The following PTPRT variants were observed in gnomAD, a reference collection of about 807,000 sequenced individuals.
The protein encoded by PTPRT is protein tyrosine phosphatase receptor type T, also known as receptor-type tyrosine-protein phosphatase T.
Under a neutral mutation model 176.8 loss-of-function variants are expected in PTPRT, and 56 were observed. The ratio of observed to expected loss-of-function variants is 0.32; its 90% CI spans 0.26 to 0.40. The LOEUF is 0.40. PTPRT is among the 10% of genes least tolerant of loss of function. The probability of loss-of-function intolerance (pLI) is 1.00; values close to 1 mark genes in which losing one functional copy is unlikely to be tolerated. For missense variants in PTPRT, 1,540 were observed against 1,908.2 expected, an observed-to-expected ratio of 0.81 and a Z score of 3.60; for synonymous variants, 783 against 739.0, an observed-to-expected ratio of 1.06 and a Z score of -0.96.
At chr20:42,514,371 A>C (rs1041520709) in intron 7 of PTPRT, among the ~76,000 whole-genome samples, 2 of 152,210 alleles carry the variant, frequency 1.3e-5, no homozygotes, top group Non-Finnish European at 2.9e-5. Context: ...AGATTTTAAT[A>C]CAATTTCTCA....
chr20:42,990,653 G>T (rs1045573005), intron 1 of PTPRT, among the ~76,000 whole-genome samples: 15 of 152,064 alleles, frequency 9.9e-5, no homozygotes, highest in Admixed American at 6.6e-4. Flanking sequence ...AAGCAAAATG[G>T]TCACCTCAAT....
intron 25 of PTPRT, among the ~76,000 whole-genome samples, chr20:42,103,291 T>G (rs771311754): frequency 7.2e-5 from 11 of 151,864 alleles, no homozygotes; most frequent in Non-Finnish European, 8.8e-5. Flanking sequence ...AGCTATGTTC[T>G]AGGACAGTAC....
intron 12 of PTPRT, among the ~76,000 whole-genome samples, chr20:42,300,987 T>C (rs1462015151): frequency 2.6e-5 from 4 of 151,930 alleles, no homozygotes; most frequent in African/African-American, 7.2e-5. Context: ...AGGGATAGCA[T>C]TGGGAGATAT....
chr20:42,417,605 A>G (rs56021308), intron 9 of PTPRT, among the ~76,000 whole-genome samples: 1 of 150,386 alleles, frequency 6.6e-6, no homozygotes, highest in Admixed American at 6.7e-5. Context: ...ATAATGAAAT[A>G]AAAAAAAATG....
At chr20:42,881,253 C>T (rs2079006027) in intron 2 of PTPRT, among the ~76,000 whole-genome samples, 1 of 152,174 alleles carries the variant, frequency 6.6e-6, no homozygotes, top group Non-Finnish European at 1.5e-5. Flanking sequence ...AGTTGAGACC[C>T]TAGGGTCACT....
At chr20:42,263,129 G>A (rs962245777) in intron 13 of PTPRT, among the ~76,000 whole-genome samples, 1 of 152,210 alleles carries the variant, frequency 6.6e-6, no homozygotes, top group Non-Finnish European at 1.5e-5. Flanking sequence ...GCACTAGGTG[G>A]TAAATGGCCT....
chr20:43,165,821 G>GA (rs1338832044), intron 1 of PTPRT, among the ~76,000 whole-genome samples: 1 of 152,036 alleles, frequency 6.6e-6, no homozygotes, highest in Non-Finnish European at 1.5e-5. Flanking sequence ...CAACTTCCTT[G>GA]AAAAAAATGT....
intron 9 of PTPRT, among the ~76,000 whole-genome samples, chr20:42,369,031 C>T (rs574127771): frequency 4.0e-5 from 6 of 151,342 alleles, no homozygotes; most frequent in Non-Finnish European, 7.4e-5. Flanking sequence ...CTTCCTTCCT[C>T]CCTTCTTTCT....
At chr20:42,231,087 G>A (rs2056125009) in intron 15 of PTPRT, among the ~76,000 whole-genome samples, 1 of 152,194 alleles carries the variant, frequency 6.6e-6, no homozygotes, top group Non-Finnish European at 1.5e-5. Flanking sequence ...CCCCAGGACA[G>A]CAGAGACAGG....
chr20:42,486,227 G>A (rs923803916), intron 7 of PTPRT, among the ~76,000 whole-genome samples: 5 of 152,162 alleles, frequency 3.3e-5, no homozygotes, highest in African/African-American at 1.2e-4. Flanking sequence ...TTTTACATAA[G>A]CCACCAAATG....
At chr20:42,308,950 A>G (rs2057586299) in intron 12 of PTPRT, among the ~76,000 whole-genome samples, 1 of 152,184 alleles carries the variant, frequency 6.6e-6, no homozygotes. Context: ...TCAACACAGC[A>G]TCTGGTTTCC....
At chr20:42,366,662 A>G (rs1290636095) in intron 9 of PTPRT, among the ~76,000 whole-genome samples, 2 of 152,180 alleles carry the variant, frequency 1.3e-5, no homozygotes, top group East Asian at 3.9e-4. Context: ...CCTCTTACTC[A>G]CCTGTGATTC....
chr20:42,063,426 A>G, the PTPRT span: 3 of 152,106 alleles, frequency 2.0e-5, no homozygotes, highest in African/African-American at 7.2e-5. Context: ...GTGATGGCTG[A>G]TTGCTCTCCA....
chr20:42,557,987 G>A (rs1383287799), intron 7 of PTPRT, among the ~76,000 whole-genome samples: 1 of 152,156 alleles, frequency 6.6e-6, no homozygotes, highest in Non-Finnish European at 1.5e-5. Flanking sequence ...GTTGGTGTTT[G>A]TTTTAAACTT....
intron 1 of PTPRT, among the ~76,000 whole-genome samples, chr20:42,995,418 C>T (rs1223038195): frequency 6.6e-6 from 1 of 152,110 alleles, no homozygotes; most frequent in Non-Finnish European, 1.5e-5. Context: ...GTTCTAATCC[C>T]GTATTTGTCT....
chr20:42,635,364 T>A (rs1196299533), intron 7 of PTPRT, among the ~76,000 whole-genome samples: 1 of 152,140 alleles, frequency 6.6e-6, no homozygotes. Context: ...GTTAATTATA[T>A]TCCTGAAATC....
intron 7 of PTPRT, among the ~76,000 whole-genome samples, chr20:42,547,816 C>A (rs2072702126): frequency 6.6e-6 from 1 of 151,910 alleles, no homozygotes; most frequent in Non-Finnish European, 1.5e-5. Context: ...ATAATACAAT[C>A]ATATATACAG....
chr20:42,999,683 T>C (rs1035559412), intron 1 of PTPRT, among the ~76,000 whole-genome samples: 2 of 151,934 alleles, frequency 1.3e-5, no homozygotes, highest in African/African-American at 4.8e-5. Context: ...GGCGCATGCC[T>C]GTAGTCCTAG....
At chr20:42,798,774 A>G (rs1420877235) in intron 2 of PTPRT, among the ~76,000 whole-genome samples, 1 of 152,162 alleles carries the variant, frequency 6.6e-6, no homozygotes, top group Admixed American at 6.5e-5. Context: ...AGCATTTCAT[A>G]TGCAAATTTG....
Sources: gnomAD v4.1 joint callset for allele counts (sites outside exome capture counted in the v4.1 genomes callset) on GRCh38, gnomAD v4.1.1 for gene constraint, MANE v1.5 for transcripts, NCBI Gene and HGNC (gene_info 2026-07-23, HGNC 2026-07-21) for gene names.